The following STK35 variants were observed in gnomAD, a reference collection of about 807,000 sequenced individuals.
The protein encoded by STK35 is serine/threonine kinase 35, also known as serine/threonine-protein kinase 35.
Under a neutral mutation model 37.3 loss-of-function variants are expected in STK35, and 17 were observed. The observed-to-expected ratio is 0.46, with a 90% CI of 0.31 to 0.68. The LOEUF (loss-of-function observed/expected upper bound fraction) is 0.68, where lower values mean the gene tolerates loss of function less well. Ranked by LOEUF, STK35 falls within the 30% of genes least tolerant of loss-of-function variation. The pLI, the probability that STK35 is intolerant of heterozygous loss-of-function variation, is 0.05. For synonymous variants in STK35, 385 were observed against 319.1 expected, an observed-to-expected ratio of 1.21 and a Z score of -2.20; for missense variants, 595 against 746.7, an observed-to-expected ratio of 0.80 and a Z score of 2.37.
At chr20:2,102,226 G>T in intron 1 of STK35, 51 bp downstream of exon 1, 3 of 1,368,634 alleles carry the variant, frequency 2.2e-6, no homozygotes, top group Non-Finnish European at 2.8e-6. Context: ...TGGAGTTACT[G>T]CCACTGCCTC....
chr20:2,128,745 T>C (rs1472938976), intron 3 of STK35, among the ~76,000 whole-genome samples: 2 of 151,552 alleles, frequency 1.3e-5, no homozygotes, highest in African/African-American at 4.9e-5. Context: ...GGTAGGGAGG[T>C]CACCCCTAGA....
chr20:2,137,200 G>A (rs917537023), intron 3 of STK35, among the ~76,000 whole-genome samples: 1 of 152,218 alleles, frequency 6.6e-6, no homozygotes, highest in African/African-American at 2.4e-5. Flanking sequence ...CACTCCACCT[G>A]CTATGTGTAC....
chr20:2,129,930 A>T (rs1040097021), intron 3 of STK35, among the ~76,000 whole-genome samples: 3 of 152,256 alleles, frequency 2.0e-5, no homozygotes, highest in African/African-American at 7.2e-5. Flanking sequence ...CAGGGAGCCC[A>T]GGTAGGAGGC....
Position 2,102,049 on chromosome 20 carries a change from C to CCGGGCT in STK35, c.174_179dup (p.Arg59_Ala60dup), listed in dbSNP as rs1361393926. 1 of 1,524,216 alleles carries CCGGGCT rather than the reference C, an allele frequency of 6.6e-7. No individual in the cohort carries two copies. Among genetic ancestry groups the CCGGGCT allele is most frequent in the East Asian group, 2.5e-5 (1 of 40,330 alleles). The allele number at this position is 1,524,216 out of a possible 1,614,324, so 94.4% of individuals were successfully genotyped here. ...CGGCAGCAGAAGGATCCGCTACACG[C>CCGGGCT]CGGGCTCGGGCCGCCACCTCCCGCG... On this transcript the variant is annotated inframe_insertion, in exon 1 of 4. Coordinates refer to ENST00000381482, the MANE Select transcript of STK35 (RefSeq NM_080836.4).
intron 1 of STK35, 50 bp from the exon 2 acceptor site, chr20:2,102,718 C>T (rs527463810): frequency 7.4e-7 from 1 of 1,356,916 alleles, no homozygotes; most frequent in African/African-American, 1.5e-5. Context: ...GCCTACGCTC[C>T]TGGCCTCCCC....
At chr20:2,102,228 C>G in intron 1 of STK35, 53 bp downstream of exon 1, 1 of 1,369,578 alleles carries the variant, frequency 7.3e-7, no homozygotes, top group Non-Finnish European at 9.4e-7. Flanking sequence ...GAGTTACTGC[C>G]ACTGCCTCCG....
chr20:2,121,198 G>A (rs891910961), intron 3 of STK35, among the ~76,000 whole-genome samples: 1 of 152,340 alleles, frequency 6.6e-6, no homozygotes, highest in Non-Finnish European at 1.5e-5. Flanking sequence ...GTTTTCAGCT[G>A]TGTGATATCT....
chr20:2,119,612 CCTA>C (rs1345002239), intron 3 of STK35, among the ~76,000 whole-genome samples: 1 of 152,228 alleles, frequency 6.6e-6, no homozygotes, highest in Non-Finnish European at 1.5e-5. Context: ...TACCCCAGAT[CCTA>C]CTAAGTTAAG....
intron 3 of STK35, among the ~76,000 whole-genome samples, chr20:2,135,736 G>A (rs576231678): frequency 2.0e-5 from 3 of 152,268 alleles, no homozygotes; most frequent in Non-Finnish European, 4.4e-5. Context: ...GGTGGTGCGC[G>A]CCTGTCTTCC....
intron 3 of STK35, among the ~76,000 whole-genome samples, chr20:2,118,185 G>C (rs1010855650): frequency 2.0e-5 from 3 of 152,070 alleles, no homozygotes; most frequent in African/African-American, 7.2e-5. Context: ...TCATACTTTA[G>C]AAGTATGGCT....
chr20:2,138,790 C>T (rs1407375245), intron 3 of STK35, among the ~76,000 whole-genome samples: 1 of 152,124 alleles, frequency 6.6e-6, no homozygotes, highest in Non-Finnish European at 1.5e-5. Flanking sequence ...GAGACCAAGG[C>T]AGGAGGATTG....
At chr20:2,141,989 C>T (rs971664379) in intron 3 of STK35, among the ~76,000 whole-genome samples, 2 of 152,134 alleles carry the variant, frequency 1.3e-5, no homozygotes, top group Non-Finnish European at 2.9e-5. Flanking sequence ...AGTAGAATTT[C>T]AGGGAGCTAC....
At chr20:2,128,445 T>C (rs115377633) in intron 3 of STK35, among the ~76,000 whole-genome samples, 2,166 of 152,182 alleles carry the variant, frequency 0.014, 37 homozygotes, top group African/African-American at 0.046. Flanking sequence ...GGACCACTGT[T>C]TTCCCTTTCC....
At chr20:2,134,605 C>G (rs1055416327) in intron 3 of STK35, among the ~76,000 whole-genome samples, 1 of 152,116 alleles carries the variant, frequency 6.6e-6, no homozygotes, top group South Asian at 2.1e-4. Flanking sequence ...TAAAAAATGC[C>G]TGGGGCCTGG....
chr20:2,122,584 T>A (rs1240210772), intron 3 of STK35, among the ~76,000 whole-genome samples: 1 of 152,174 alleles, frequency 6.6e-6, no homozygotes, highest in Non-Finnish European at 1.5e-5. Context: ...CCTGACTGTG[T>A]GGCCTTAGGC....
At chr20:2,103,888 T>A (rs865858663) in intron 2 of STK35, among the ~76,000 whole-genome samples, 1 of 152,166 alleles carries the variant, frequency 6.6e-6, no homozygotes, top group African/African-American at 2.4e-5. Context: ...CCTTTTCCTC[T>A]GAGGCCCCCG....
At chr20:2,125,187 C>T (rs1985883971) in intron 3 of STK35, among the ~76,000 whole-genome samples, 1 of 152,148 alleles carries the variant, frequency 6.6e-6, no homozygotes, top group African/African-American at 2.4e-5. Context: ...GCAAAGCTGC[C>T]TGATGGTTCA....
chr20:2,133,326 C>A (rs1986030876), intron 3 of STK35, among the ~76,000 whole-genome samples: 1 of 152,230 alleles, frequency 6.6e-6, no homozygotes, highest in Admixed American at 6.5e-5. Flanking sequence ...TGGGCTCTTT[C>A]TTTGCTAATC....
At position 2,103,125 on chromosome 20, in the gene STK35, G is replaced by A. The variant is rs1288051193; in HGVS notation, c.652G>A (p.Glu218Lys). ...IGRGSYGVVYEAVAGRSGARV... is the reference protein window; with the variant it reads ...IGRGSYGVVYKAVAGRSGARV... The stretch of plus-strand genomic sequence containing the variant: ...GCGCGGCAGCTACGGCGTGGTTTAT[G>A]AGGCAGTGGCCGGGCGCAGCGGGGC... The change falls in exon 2 of 4, where the codon GAG (glutamate) becomes AAG (lysine). Residue 218 changes from glutamate (E) to lysine (K), a missense_variant. Physicochemically the swap from Glu to Lys is moderately conservative, Grantham distance 56 (BLOSUM62 1). Transcript: ENST00000381482. 5 of 1,604,284 alleles carry A rather than the reference G, an allele frequency of 3.1e-6. No homozygotes were observed. The African/African-American group carries it at 4.0e-5, about 13-fold the overall frequency.
Sources: gnomAD v4.1 joint callset for allele counts (sites outside exome capture counted in the v4.1 genomes callset) on GRCh38, gnomAD v4.1.1 for gene constraint, MANE v1.5 for transcripts, NCBI Gene and HGNC (gene_info 2026-07-23, HGNC 2026-07-21) for gene names.